EPC2: variants seen among roughly 807,000 people sequenced by gnomAD.
EPC2 encodes enhancer of polycomb homolog 2.
EPC2 carries 14 observed loss-of-function variants against 92.1 expected under a neutral mutation model. The ratio of observed to expected loss-of-function variants is 0.15; its 90% confidence interval spans 0.10 to 0.24. The LOEUF is 0.24. Among genes scored for constraint, EPC2 ranks in the 10% least tolerant of loss-of-function variants. EPC2 has a pLI of 1.00. For missense variants in EPC2, 755 were observed against 971.5 expected (o/e 0.78, Z 2.96); for synonymous variants, 340 against 334.7 (o/e 1.02, Z -0.17).
chr2:148,785,131 G>A (rs555483192), intron 13 of EPC2, 130 bp downstream of exon 13: 2 of 745,000 alleles, frequency 2.7e-6, no homozygotes, highest in Non-Finnish European at 4.0e-6. Flanking sequence ...AGATACTGAA[G>A]ATCTGTATAA....
At chr2:148,735,988 G>T (rs913078226) in intron 2 of EPC2, among the ~76,000 whole-genome samples, 16 of 151,914 alleles carry the variant, frequency 1.1e-4, no homozygotes, top group Non-Finnish European at 2.4e-4. Flanking sequence ...CTGTATTTCA[G>T]GATCTCTGAA....
intron 1 of EPC2, among the ~76,000 whole-genome samples, chr2:148,673,742 C>T (rs1233918612): frequency 6.6e-6 from 1 of 152,072 alleles, no homozygotes; most frequent in East Asian, 1.9e-4. Context: ...CCTCACCATG[C>T]CTGGCTAATA....
At chr2:148,677,301 T>A (rs926202397) in intron 1 of EPC2, among the ~76,000 whole-genome samples, 2 of 152,226 alleles carry the variant, frequency 1.3e-5, no homozygotes, top group Non-Finnish European at 2.9e-5. Flanking sequence ...CCTTAATTTC[T>A]GGATTCAGCT....
At chr2:148,662,331 G>A (rs535220671) in intron 1 of EPC2, among the ~76,000 whole-genome samples, 60 of 152,298 alleles carry the variant, frequency 3.9e-4, no homozygotes, top group South Asian at 1.4e-3. Flanking sequence ...ATACCCAAAG[G>A]ATTATAAATC....
intron 1 of EPC2, among the ~76,000 whole-genome samples, chr2:148,653,516 G>A (rs1284825722): frequency 6.6e-6 from 1 of 152,164 alleles, no homozygotes; most frequent in African/African-American, 2.4e-5. Context: ...TTCTTACAGG[G>A]TTAACACTGT....
At chr2:148,723,920 TAA>T (rs1682434212) in intron 2 of EPC2, among the ~76,000 whole-genome samples, 1 of 152,150 alleles carries the variant, frequency 6.6e-6, no homozygotes, top group African/African-American at 2.4e-5. Context: ...ATAAAAACTT[TAA>T]AAATCTCTTG....
chr2:148,769,100 T>C, intron 7 of EPC2, 51 bp from the exon 8 acceptor site: 1 of 1,174,496 alleles, frequency 8.5e-7, no homozygotes, highest in Non-Finnish European at 1.3e-6. Flanking sequence ...ATTACAAACA[T>C]TGATCTATTG....
chr2:148,746,237 T>A (rs999257006), intron 3 of EPC2, among the ~76,000 whole-genome samples: 7 of 152,056 alleles, frequency 4.6e-5, no homozygotes, highest in African/African-American at 1.7e-4. Flanking sequence ...TTTCTCAAAC[T>A]CCAGGATTTT....
At chr2:148,669,740 C>A (rs1391622530) in intron 1 of EPC2, among the ~76,000 whole-genome samples, 1 of 152,102 alleles carries the variant, frequency 6.6e-6, no homozygotes, top group Admixed American at 6.5e-5. Context: ...TAGTTTGATA[C>A]CTTTAGGTTT....
At chr2:148,723,060 C>T (rs1419190405) in intron 2 of EPC2, among the ~76,000 whole-genome samples, 1 of 152,138 alleles carries the variant, frequency 6.6e-6, no homozygotes, top group Non-Finnish European at 1.5e-5. Context: ...GATCGAAAAA[C>T]TATCTATTGG....
intron 1 of EPC2, among the ~76,000 whole-genome samples, chr2:148,673,498 T>C (rs1435146142): frequency 6.6e-6 from 1 of 152,210 alleles, no homozygotes; most frequent in East Asian, 1.9e-4. Context: ...AATTAAGTTA[T>C]CATATTCTTC....
chr2:148,671,726 T>C (rs764874639), intron 1 of EPC2, among the ~76,000 whole-genome samples: 4 of 152,206 alleles, frequency 2.6e-5, no homozygotes, highest in Non-Finnish European at 5.9e-5. Flanking sequence ...GGTAAACTTT[T>C]GTCCGTCCCT....
intron 2 of EPC2, among the ~76,000 whole-genome samples, chr2:148,739,539 C>T (rs1342306816): frequency 1.3e-5 from 2 of 152,002 alleles, no homozygotes; most frequent in African/African-American, 4.8e-5. Context: ...TTTGCTTTAC[C>T]AACTAATTTT....
chr2:148,769,661 T>A (rs1683478469), intron 8 of EPC2, among the ~76,000 whole-genome samples: 1 of 152,160 alleles, frequency 6.6e-6, no homozygotes, highest in South Asian at 2.1e-4. Flanking sequence ...AAAATAATAA[T>A]TTTGTTTGAT....
At chr2:148,650,632 G>A (rs558382040) in intron 1 of EPC2, among the ~76,000 whole-genome samples, 3 of 152,118 alleles carry the variant, frequency 2.0e-5, no homozygotes, top group East Asian at 1.9e-4. Flanking sequence ...AATTTTTGCC[G>A]TTATGTTAAT....
In EPC2 at chr2:148,644,962, C is replaced by CCA; in HGVS notation, c.-55_-54insAC. 11 of 1,469,716 alleles carry CCA rather than the reference C, an allele frequency of 7.5e-6. No individual in the cohort carries two copies. Among genetic ancestry groups the CCA allele is most frequent in the Non-Finnish European group, 6.5e-6 (7 of 1,079,034 alleles). The allele number at this position is 1,469,716 out of a possible 1,614,324, so 91.0% of individuals were successfully genotyped here. Reference sequence around the variant, plus strand: ...GAGGAGGCGGCGGGAGTCCTCCCCCCCTCCCCGCCCGCCCCGCCGCCGCCG... The same window carrying CCA: ...GAGGAGGCGGCGGGAGTCCTCCCCCCCACTCCCCGCCCGCCCCGCCGCCGCCG... On this transcript the variant is annotated 5_prime_UTR_variant, in exon 1 of 14. Transcript: ENST00000258484.
chr2:148,701,520 ATTT>A (rs1305027618), intron 2 of EPC2, among the ~76,000 whole-genome samples: 1 of 151,906 alleles, frequency 6.6e-6, no homozygotes, highest in Non-Finnish European at 1.5e-5. Context: ...TGCTCATGTG[ATTT>A]TTCTTCTTTA....
chr2:148,776,531 TCAAC>T (rs964352657), intron 10 of EPC2, among the ~76,000 whole-genome samples: 7 of 152,140 alleles, frequency 4.6e-5, no homozygotes, highest in African/African-American at 1.7e-4. Context: ...AAAGGTCATG[TCAAC>T]CCTCCTGGAT....
rs935978031 is a variant in EPC2, at chr2:148,774,624, T to TATATATATATATATATATATATATATA, written c.1720+3237_1720+3238insATATATATATATATATATATATATATA. Among the ~76,000 whole-genome samples, 74 of 132,556 alleles carry TATATATATATATATATATATATATATA rather than the reference T, an allele frequency of 5.6e-4. 1 individual carries two copies. The highest frequency in any genetic ancestry group is 1.9e-3 in the African/African-American group (70 of 37,358). The allele number at this position is 132,556 out of a possible 152,430, so 87.0% of individuals were successfully genotyped here. On this transcript the variant is annotated intron_variant, in intron 10 of 13. Coordinates refer to ENST00000258484, the MANE Select transcript of EPC2 (RefSeq NM_015630.4). Reference sequence around the variant, plus strand: ...CCTGACTCAAAAAAAAAAATATATTTTATATATATATATATATGCATGTAC... The same window carrying TATATATATATATATATATATATATATA: ...CCTGACTCAAAAAAAAAAATATATTTATATATATATATATATATATATATATATATATATATATATATATGCATGTAC...
Sources: allele counts gnomAD v4.1 joint callset (sites outside exome capture counted in the v4.1 genomes callset), GRCh38; gene constraint gnomAD v4.1.1; transcripts MANE v1.5; gene names NCBI Gene and HGNC (gene_info 2026-07-23, HGNC 2026-07-21).